Variants in TASOR2 observed in about 807,000 individuals in gnomAD.
The protein encoded by TASOR2 is transcription activation suppressor family member 2.
TASOR2 carries 84 observed loss-of-function variants against 199.5 expected under a neutral mutation model. The observed-to-expected ratio is 0.42, with a 90% confidence interval of 0.35 to 0.50. The LOEUF (loss-of-function observed/expected upper bound fraction) is 0.50, where lower values mean the gene tolerates loss of function less well. TASOR2 is among the 20% of genes least tolerant of loss of function. The pLI is 0.02. For synonymous variants in TASOR2, 1,103 were observed against 1,046.6 expected (o/e 1.05, Z -1.04); for missense variants, 2,796 against 2,835.9 (o/e 0.99, Z 0.32).
At position 5,699,547 on chromosome 10, in the gene TASOR2, G is replaced by C. The variant is rs1468155447; in HGVS notation, c.-287-13276G>C. 1 of 152,098 alleles carries C rather than the reference G, an allele frequency of 6.6e-6. No homozygotes were observed. The highest frequency in any genetic ancestry group is 2.4e-5 in the African/African-American group (1 of 41,420). The allele number at this position is 152,098 out of a possible 1,614,324, so 9.4% of individuals were successfully genotyped here. Reference sequence around the variant, plus strand: ...TAGAAAATAAAATTAATGAAGCATAGAAGTTACGGAGAACTACTGGAAAGA... The same window carrying C: ...TAGAAAATAAAATTAATGAAGCATACAAGTTACGGAGAACTACTGGAAAGA... On this transcript the variant is annotated intron_variant, in intron 1 of 20. Coordinates refer to ENST00000328090, the Ensembl canonical transcript of TASOR2. The surrounding 1 kb of genome is among the most constrained non-coding windows in gnomAD (Gnocchi z 4.1).
rs746983921 is a variant in TASOR2 at position 5,740,280 on chromosome 10, C to A, written c.2110C>A (p.Leu704Ile). ...CATGCCATTTCGGCATCAGCCCGGC[C>A]TTTTGCTTCAGCAAAAGCCTCCTGA... Residue 704 changes from leucine (L) to isoleucine (I), a missense_variant, in exon 13 of 21, where the codon CTT becomes ATT. Around this residue, in one of 3 missense-constraint regions of TASOR2, gnomAD observed 847 missense variants for 887.4 expected, o/e 0.95. Transcript: ENST00000328090. This position sits in a 1 kb window ranked among gnomAD's most constrained non-coding sequence, Gnocchi z 5.3. 3.1e-6 allele frequency: 5 copies of A among 1,614,122 alleles called. No homozygotes were observed. The Admixed American group carries it at 8.3e-5, about 27-fold the overall frequency.
Position 5,740,315 on chromosome 10 carries a change from G to C in TASOR2, c.2145G>C (p.Val715=). ...AGCAAAAGCCTCCTGACGACCCCGT[G>C]GTGAAGCCCAAGGATCGACCACCGT... Residue 715 remains valine (V), a synonymous_variant, in exon 13 of 21, where the codon GTG becomes GTC. Coordinates refer to ENST00000328090, the Ensembl canonical transcript of TASOR2. This position sits in a 1 kb window ranked among gnomAD's most constrained non-coding sequence, Gnocchi z 5.3. 2 of 1,614,152 alleles carry C rather than the reference G, an allele frequency of 1.2e-6. No homozygotes were observed. Among genetic ancestry groups the C allele is most frequent in the Non-Finnish European group, 1.7e-6 (2 of 1,180,036 alleles).
chr10:5,709,537 G>C (rs1831647475), intron 1 of TASOR2: 17 of 1,230,270 alleles, frequency 1.4e-5, no homozygotes, highest in Non-Finnish European at 1.6e-5. Flanking sequence ...TAGCATTTAT[G>C]ACATTAACAG....
chr10:5,694,480 C>G (rs1836900972), intron 1 of TASOR2, among the ~76,000 whole-genome samples: 1 of 152,184 alleles, frequency 6.6e-6, no homozygotes, highest in Non-Finnish European at 1.5e-5. Flanking sequence ...GGAGGACAAT[C>G]AGATAAACAA....
chr10:5,734,085 GA>G (rs1385957086), intron 11 of TASOR2, among the ~76,000 whole-genome samples: 1 of 152,168 alleles, frequency 6.6e-6, no homozygotes, highest in African/African-American at 2.4e-5. Context: ...TCCTTAGTGA[GA>G]AGTAGCGTCT....
chr10:5,749,751 TATTCTC>T (rs1231008164), exon 15 of TASOR2: 2 of 1,614,090 alleles, frequency 1.2e-6, no homozygotes, highest in African/African-American at 1.3e-5. Context: ...ATATTTCACT[TATTCTC>T]AATGAGTATG....
At position 5,727,114 on chromosome 10, in the gene TASOR2, CT is replaced by C. The variant is rs1834144377; in HGVS notation, c.479del (p.Leu160ArgfsTer5). ...TGGGTTACATTTATTTCGTTCACCC[CT>C]GTCAACAGGTGAGGATACAATGGTT... On this transcript the variant is annotated frameshift_variant, in exon 10 of 21. Coordinates refer to ENST00000328090, the Ensembl canonical transcript of TASOR2. LOFTEE classifies it high-confidence loss of function. 6.2e-7 allele frequency: 1 copy of C among 1,613,984 alleles called. No homozygotes were observed. Among genetic ancestry groups the C allele is most frequent in the Admixed American group, 1.7e-5 (1 of 59,998 alleles).
intron 10 of TASOR2, among the ~76,000 whole-genome samples, chr10:5,728,019 C>G (rs114131437): frequency 0.014 from 2,081 of 151,762 alleles, 46 homozygotes; most frequent in African/African-American, 0.048. Context: ...TTCAGGCGTT[C>G]TGAGACCAGC....
chr10:5,713,827 A>C (rs1832237836), intron 2 of TASOR2: 1 of 180,294 alleles, frequency 5.5e-6, no homozygotes, highest in South Asian at 2.0e-4. Context: ...TTGGGCCATT[A>C]ATCAAAATAC....
chr10:5,757,789 C>G (rs1464602940), intron 17 of TASOR2, 116 bp downstream of exon 18: 4 of 1,055,018 alleles, frequency 3.8e-6, no homozygotes, highest in Non-Finnish European at 5.6e-6. Context: ...TCAGTTGCCC[C>G]CTACTGAGGC....
chr10:5,733,712 A>G (rs1835166001), intron 11 of TASOR2, among the ~76,000 whole-genome samples: 1 of 152,210 alleles, frequency 6.6e-6, no homozygotes, highest in Non-Finnish European at 1.5e-5. Context: ...AATATTAGAA[A>G]GTTTCCCCCT....
Position 5,730,418 on chromosome 10 carries a change from T to C in TASOR2, c.488-69T>C. ...TCACATAATTTTGAAATCTAAAGCT[T>C]TTTTTTCCAGAATGTTTTGTTTTTA... On this transcript the variant is annotated intron_variant, in intron 10 of 20. Coordinates refer to ENST00000328090, the Ensembl canonical transcript of TASOR2. The surrounding 1 kb of genome is among the most constrained non-coding windows in gnomAD (Gnocchi z 4.1). 7.8e-7 allele frequency: 1 copy of C among 1,278,430 alleles called. No homozygotes were observed. The highest frequency in any genetic ancestry group is 1.1e-6 in the Non-Finnish European group (1 of 938,806). 79.2% of individuals were successfully genotyped at this position (1,278,430 alleles called of 1,614,324 possible). A position where few individuals can be genotyped will look rare whatever the true frequency, so the allele number is the denominator to read the frequency against.
chr10:5,692,004 G>A (rs1042380361), intron 1 of TASOR2, among the ~76,000 whole-genome samples: 6 of 151,964 alleles, frequency 3.9e-5, no homozygotes, highest in African/African-American at 1.5e-4. Context: ...ACGGTGAAAC[G>A]CCTTTACTAA....
In TASOR2 at chr10:5,730,864, T is replaced by C; in HGVS notation, c.865T>C (p.Cys289Arg). Reference sequence around the variant, plus strand: ...GCTAGCAGAGCATCCTCAGTCTCCTTGTGTTTCAGACGGAATTTGTGATGC... The same window carrying C: ...GCTAGCAGAGCATCCTCAGTCTCCTCGTGTTTCAGACGGAATTTGTGATGC... Residue 289 changes from cysteine (C) to arginine (R), a missense_variant, in exon 11 of 21, where the codon TGT (cysteine) becomes CGT (arginine). Cys to Arg is a radical substitution (Grantham distance 180, BLOSUM62 -3). Coordinates refer to ENST00000328090, the Ensembl canonical transcript of TASOR2. The surrounding 1 kb of genome is among the most constrained non-coding windows in gnomAD (Gnocchi z 4.1). 1 of 1,614,206 alleles carries C rather than the reference T, an allele frequency of 6.2e-7. No homozygotes were observed. The highest frequency in any genetic ancestry group is 1.3e-5 in the African/African-American group (1 of 75,058).
Position 5,731,334 on chromosome 10 carries a change from G to A in TASOR2, c.1204+131G>A. On this transcript the variant is annotated intron_variant, in intron 11 of 20. Coordinates refer to ENST00000328090, the Ensembl canonical transcript of TASOR2. ...ACCTAAGGTCAGGAGTTTGAGACCA[G>A]TCTGACCAATACGGTGACACCCTGT... 3.8e-6 allele frequency: 3 copies of A among 790,764 alleles called. No individual in the cohort carries two copies. The Admixed American group carries it at 8.0e-5, about 21-fold the overall frequency. The allele number at this position is 790,764 out of a possible 1,614,324, so 49.0% of individuals were successfully genotyped here. A position where few individuals can be genotyped will look rare whatever the true frequency, so the allele number is the denominator to read the frequency against.
At position 5,742,029 on chromosome 10, in the gene TASOR2, A is replaced by T; in HGVS notation, c.2328-68A>T. The T allele has an allele frequency of 6.8e-7, 1 of 1,470,140 alleles. No individual in the cohort carries two copies. 91.1% of individuals were successfully genotyped at this position (1,470,140 alleles called of 1,614,324 possible). A position where few individuals can be genotyped will look rare whatever the true frequency, so the allele number is the denominator to read the frequency against. ...TAAGGAATATTGGAGGCACTTGCTT[A>T]TGATAAGGTAATCAACTAAAATAAC... On this transcript the variant is annotated intron_variant, in intron 13 of 20. Transcript: ENST00000328090. The surrounding 1 kb of genome is among the most constrained non-coding windows in gnomAD (Gnocchi z 4.2).
Position 5,754,874 on chromosome 10 carries a change from T to G in TASOR2, c.6607-1739T>G, listed in dbSNP as rs1838662378. Among the ~76,000 whole-genome samples, 1 of 151,466 alleles carries G rather than the reference T, an allele frequency of 6.6e-6. No individual in the cohort carries two copies. ...CTGGCTAACACCGTGAAACCCCATC[T>G]CTACTAAAAATACAAAAAGAAATTA... On this transcript the variant is annotated intron_variant, in intron 15 of 20. Coordinates refer to ENST00000328090, the Ensembl canonical transcript of TASOR2. The surrounding 1 kb of genome is among the most constrained non-coding windows in gnomAD (Gnocchi z 4.3).
intron 11 of TASOR2, among the ~76,000 whole-genome samples, chr10:5,733,582 G>A (rs1276929409): frequency 6.6e-6 from 1 of 152,214 alleles, no homozygotes; most frequent in Non-Finnish European, 1.5e-5. Context: ...AGTTTGAGAA[G>A]CATGGTATTG....
rs1407455209 is a variant in TASOR2, at chr10:5,731,024, C to T, written c.1025C>T (p.Ala342Val). Residue 342 changes from alanine (A) to valine (V), a missense_variant, in exon 11 of 21, where the codon GCG (alanine) becomes GTG (valine). Physicochemically the swap from Ala to Val is moderately conservative, Grantham distance 64. Around this residue, in one of 3 missense-constraint regions of TASOR2, gnomAD observed 847 missense variants for 887.4 expected, o/e 0.95. Transcript: ENST00000328090. The stretch of plus-strand genomic sequence containing the variant: ...AAGAGAGTTTTTCCATTGAGTCCAG[C>T]GTCAAATCTGAGAGTGCAGCCTAAG... The T allele has an allele frequency of 4.3e-6, 7 of 1,613,948 alleles. No individual in the cohort carries two copies. The South Asian group carries it at 4.4e-5, about 10-fold the overall frequency.
Sources: gnomAD v4.1 joint callset for allele counts (sites outside exome capture counted in the v4.1 genomes callset) on GRCh38, gnomAD v4.1.1 for gene constraint, gnomAD v4.1.1 regional missense constraint, Gnocchi (gnomAD v3.1) non-coding constraint, MANE v1.5 for transcripts, NCBI Gene and HGNC (gene_info 2026-07-23, HGNC 2026-07-21) for gene names.